VWA3B: variants seen among roughly 807,000 people sequenced by gnomAD.
VWA3B encodes von Willebrand factor A domain-containing protein 3B.
In VWA3B, 138 loss-of-function variants were observed where a neutral mutation model predicts 158.3. The observed-to-expected ratio is 0.87, with a 90% CI of 0.76 to 1.00. VWA3B has a LOEUF of 1.00. Among genes scored for constraint, VWA3B ranks in the 50% least tolerant of loss-of-function variants. The pLI, the probability that VWA3B is intolerant of heterozygous loss-of-function variation, is 0.00. For synonymous variants in VWA3B, 596 were observed against 587.3 expected (o/e 1.01, Z -0.21); for missense variants, 1,555 against 1,565.1 (o/e 0.99, Z 0.11).
At chr2:98,094,488 T>C in intron 2 of VWA3B, among the ~76,000 whole-genome samples, 1 of 152,244 alleles carries the variant, frequency 6.6e-6, no homozygotes, top group Non-Finnish European at 1.5e-5. Flanking sequence ...GGTTTAGTTT[T>C]AATATTTAAG....
At chr2:98,090,497 A>C (rs1415415561) in intron 1 of VWA3B, among the ~76,000 whole-genome samples, 1 of 152,232 alleles carries the variant, frequency 6.6e-6, no homozygotes, top group African/African-American at 2.4e-5. Flanking sequence ...TAGGGTGTGC[A>C]GGTGGTATTA....
At chr2:98,135,659 T>C (rs1401818099) in intron 7 of VWA3B, among the ~76,000 whole-genome samples, 5 of 152,164 alleles carry the variant, frequency 3.3e-5, no homozygotes, top group African/African-American at 1.2e-4. Flanking sequence ...TAGAATAAAA[T>C]GCTTGGCATG....
chr2:98,230,564 G>T (rs999923284), intron 16 of VWA3B, among the ~76,000 whole-genome samples: 2 of 152,040 alleles, frequency 1.3e-5, no homozygotes, highest in Non-Finnish European at 1.5e-5. Flanking sequence ...TACACGGTTT[G>T]ATCACGTGTA....
intron 21 of VWA3B, 101 bp from the exon 22 acceptor site, chr2:98,270,581 G>A (rs1300505731): frequency 1.6e-6 from 2 of 1,233,812 alleles, no homozygotes; most frequent in African/African-American, 1.5e-5. Flanking sequence ...TCTCAGGGGA[G>A]AATTTCTTAG....
At position 98,128,492 on chromosome 2, in the gene VWA3B, G is replaced by A. The variant is rs937727119; in HGVS notation, c.872+84G>A. 2.8e-6 allele frequency: 4 copies of A among 1,432,834 alleles called. No individual in the cohort carries two copies. In the African/African-American group the frequency reaches 4.2e-5, roughly 15 times the overall value. The allele number at this position is 1,432,834 out of a possible 1,614,324, so 88.8% of individuals were successfully genotyped here. A position where few individuals can be genotyped will look rare whatever the true frequency, so the allele number is the denominator to read the frequency against. On this transcript the variant is annotated intron_variant, in intron 6 of 27. Transcript: ENST00000477737. The stretch of plus-strand genomic sequence containing the variant: ...AACAGTGGGTCTTGCATTCTTCGTG[G>A]CTTTAACCAATCTGTTGCTGTGTTC...
intron 14 of VWA3B, among the ~76,000 whole-genome samples, chr2:98,224,765 AAG>A (rs1684781812): frequency 2.0e-5 from 3 of 151,776 alleles, no homozygotes; most frequent in African/African-American, 2.4e-5. Context: ...AAAAAAAAAA[AAG>A]AACACAACCA....
chr2:98,186,893 C>T (rs960452565), intron 9 of VWA3B, among the ~76,000 whole-genome samples: 9 of 152,174 alleles, frequency 5.9e-5, no homozygotes, highest in Non-Finnish European at 8.8e-5. Flanking sequence ...CAGCTCATTT[C>T]CGACAGCTGT....
At chr2:98,301,146 C>T (rs1462645403) in intron 25 of VWA3B, among the ~76,000 whole-genome samples, 2 of 151,838 alleles carry the variant, frequency 1.3e-5, no homozygotes, top group Non-Finnish European at 2.9e-5. Flanking sequence ...AAAAATGAGC[C>T]GGGCATGGTA....
chr2:98,094,676 G>T (rs1016669525), intron 2 of VWA3B, among the ~76,000 whole-genome samples: 16 of 151,924 alleles, frequency 1.1e-4, no homozygotes, highest in African/African-American at 3.9e-4. Context: ...TGCTTTTGAG[G>T]TCATATCCAA....
intron 15 of VWA3B, among the ~76,000 whole-genome samples, chr2:98,229,357 C>A (rs1685165328): frequency 6.6e-6 from 1 of 152,184 alleles, no homozygotes. Flanking sequence ...GCCATGGAAC[C>A]CGGGGCAGGT....
chr2:98,188,272 G>A (rs1205711880), intron 10 of VWA3B, 143 bp downstream of exon 10: 1 of 1,115,178 alleles, frequency 9.0e-7, no homozygotes, highest in Admixed American at 2.9e-5. Context: ...ATTTAGGTGT[G>A]TGTATACAAT....
At chr2:98,139,131 G>A (rs1422775193) in intron 7 of VWA3B, among the ~76,000 whole-genome samples, 2 of 152,232 alleles carry the variant, frequency 1.3e-5, no homozygotes, top group Non-Finnish European at 2.9e-5. Flanking sequence ...CAGGCAATGA[G>A]GGGCTTAGCA....
At chr2:98,163,478 C>T (rs1678810996) in intron 8 of VWA3B, among the ~76,000 whole-genome samples, 1 of 152,118 alleles carries the variant, frequency 6.6e-6, no homozygotes, top group Non-Finnish European at 1.5e-5. Context: ...GCAGAGATCA[C>T]AGTGAGCCGA....
rs1050402765 is a variant in VWA3B at position 98,125,381 on chromosome 2, G to A, written c.703-2858G>A. The stretch of plus-strand genomic sequence containing the variant: ...CCAGCCTTGCCACAAATAGCACAGC[G>A]TAGCCGTGGACAGCAAGGGCAGGGC... On this transcript the variant is annotated intron_variant, in intron 5 of 27. Coordinates refer to ENST00000477737, the MANE Select transcript of VWA3B (RefSeq NM_144992.5). The surrounding 1 kb of genome is among the most constrained non-coding windows in gnomAD (Gnocchi z 4.1). Among the ~76,000 whole-genome samples the A allele has an allele frequency of 3.3e-5, 5 of 152,208 alleles. No individual in the cohort carries two copies. The highest frequency in any genetic ancestry group is 1.3e-4 in the Admixed American group (2 of 15,286).
the VWA3B span, among the ~76,000 whole-genome samples, chr2:98,323,471 T>A: frequency 1.3e-5 from 2 of 151,872 alleles, no homozygotes; most frequent in East Asian, 3.9e-4. Flanking sequence ...TTATGTATAA[T>A]TGGAGACCTA....
chr2:98,210,142 C>T (rs536106996), intron 12 of VWA3B, among the ~76,000 whole-genome samples: 28 of 152,234 alleles, frequency 1.8e-4, no homozygotes, highest in Admixed American at 1.8e-3. Context: ...AACATTACTC[C>T]CATCGTTTTC....
At chr2:98,225,048 C>T (rs149639818) in intron 14 of VWA3B, among the ~76,000 whole-genome samples, 2,600 of 152,262 alleles carry the variant, frequency 0.017, 75 homozygotes, top group African/African-American at 0.06. Flanking sequence ...ATTCTTCTGC[C>T]TCAGCCTCCC....
At chr2:98,119,417 C>G in intron 3 of VWA3B, 96 bp from the exon 4 acceptor site, 1 of 1,388,290 alleles carries the variant, frequency 7.2e-7, no homozygotes, top group Non-Finnish European at 9.8e-7. Context: ...TCATTGACAA[C>G]ACTGTTATGA....
At chr2:98,240,191 G>A (rs996734389) in intron 19 of VWA3B, among the ~76,000 whole-genome samples, 7 of 152,098 alleles carry the variant, frequency 4.6e-5, no homozygotes, top group East Asian at 1.9e-4. Flanking sequence ...CACACATAAC[G>A]TATTTATACA....
Sources: allele counts gnomAD v4.1 joint callset (sites outside exome capture counted in the v4.1 genomes callset), GRCh38; gene constraint gnomAD v4.1.1; non-coding constraint Gnocchi (gnomAD v3.1); transcripts MANE v1.5; gene names NCBI Gene and HGNC (gene_info 2026-07-23, HGNC 2026-07-21).